The following FRRS1 variants were observed in gnomAD, a reference collection of about 807,000 sequenced individuals.
FRRS1 encodes the protein ferric reductase 1.
In FRRS1, 51 loss-of-function variants were observed where a neutral mutation model predicts 70.7. That is an observed-to-expected ratio of 0.72 (90% CI 0.58 to 0.91). The LOEUF (loss-of-function observed/expected upper bound fraction) is 0.91. FRRS1 is among the 40% of genes least tolerant of loss of function. FRRS1 has a pLI of 0.00. For missense variants in FRRS1, 672 were observed against 726.0 expected (o/e 0.93, Z 0.86); for synonymous variants, 225 against 238.7 (o/e 0.94, Z 0.53).
At chr1:99,754,142 T>G (rs1656710691) in intron 1 of FRRS1, among the ~76,000 whole-genome samples, 1 of 152,070 alleles carries the variant, frequency 6.6e-6, no homozygotes, top group African/African-American at 2.4e-5. Flanking sequence ...TAGAACTAAA[T>G]GGAGAAATAG....
chr1:99,731,969 A>AC (rs1404553388), intron 7 of FRRS1, among the ~76,000 whole-genome samples: 1 of 152,190 alleles, frequency 6.6e-6, no homozygotes, highest in Non-Finnish European at 1.5e-5. Context: ...CTGGGCCTGA[A>AC]CCCTGATTTA....
intron 1 of FRRS1, among the ~76,000 whole-genome samples, chr1:99,756,216 C>T (rs775516586): frequency 6.4e-4 from 98 of 152,200 alleles, no homozygotes; most frequent in Non-Finnish European, 1.1e-3. Context: ...GTTGTCTATA[C>T]AAAATAGACG....
chr1:99,718,722 G>A (rs1272936191), intron 10 of FRRS1, among the ~76,000 whole-genome samples: 1 of 152,082 alleles, frequency 6.6e-6, no homozygotes, highest in Admixed American at 6.5e-5. Flanking sequence ...TACATACTTT[G>A]TATGCTCTCA....
chr1:99,732,003 T>A (rs1451250748), intron 7 of FRRS1, among the ~76,000 whole-genome samples: 1 of 152,106 alleles, frequency 6.6e-6, no homozygotes, highest in Non-Finnish European at 1.5e-5. Context: ...TTCTATAATA[T>A]CCATCATGAA....
chr1:99,760,435 G>C (rs1657060644), intron 1 of FRRS1, among the ~76,000 whole-genome samples: 1 of 152,068 alleles, frequency 6.6e-6, no homozygotes, highest in African/African-American at 2.4e-5. Flanking sequence ...AAATTATAGG[G>C]AAATTGAAAA....
intron 4 of FRRS1, among the ~76,000 whole-genome samples, chr1:99,743,822 T>C (rs542541310): frequency 1.3e-5 from 2 of 152,150 alleles, no homozygotes; most frequent in East Asian, 3.9e-4. Context: ...AGTACTGGGA[T>C]TAGAGGGATG....
intron 10 of FRRS1, 26 bp downstream of exon 10, chr1:99,719,508 A>C: frequency 4.9e-6 from 6 of 1,224,692 alleles, no homozygotes; most frequent in Non-Finnish European, 7.3e-6. Flanking sequence ...AGTTGATTCC[A>C]CAAAGTAGTT....
At position 99,719,893 on chromosome 1, in the gene FRRS1, G is replaced by C. The variant is rs6681566; in HGVS notation, c.1007-246C>G. On this transcript the variant is annotated intron_variant, in intron 9 of 16. Coordinates refer to ENST00000646001, the MANE Select transcript of FRRS1 (RefSeq NM_001361041.2). ...TGAATTAAAATGACAACTAGGAATGGAGAATGTATAGTAAAAGAACTGGTG... is the reference window on the plus strand; with the variant it reads ...TGAATTAAAATGACAACTAGGAATGCAGAATGTATAGTAAAAGAACTGGTG... Among the ~76,000 whole-genome samples the C allele has an allele frequency of 7.6e-3, 1,157 of 152,242 alleles. 14 individuals are homozygous for C. Among genetic ancestry groups the C allele is most frequent in the African/African-American group, 0.026 (1,087 of 41,544 alleles).
intron 1 of FRRS1, among the ~76,000 whole-genome samples, chr1:99,760,838 C>T (rs546991804): frequency 3.6e-4 from 55 of 151,888 alleles, no homozygotes; most frequent in East Asian, 1.4e-3. Flanking sequence ...TTGGTATAGA[C>T]GGGGGTTTCA....
chr1:99,736,371 T>C (rs1172578347), intron 7 of FRRS1, among the ~76,000 whole-genome samples: 1 of 152,172 alleles, frequency 6.6e-6, no homozygotes, highest in African/African-American at 2.4e-5. Context: ...AAGTACATGG[T>C]ATCTTTTGTA....
Position 99,728,536 on chromosome 1 carries a change from G to A in FRRS1, c.963C>T (p.Asn321=). Residue 321 remains asparagine, a synonymous_variant, in exon 9 of 17, where the codon AAC becomes AAT. Transcript: ENST00000646001. ...LPGVKNRFDL[N]TSYYIFLADG... ...CTGCTAGAAATATGTAATAGCTTGT[G>A]TTTAGATCAAATCTATTCTTAACTC... 6.2e-7 allele frequency: 1 copy of A among 1,611,964 alleles called. No individual in the cohort carries two copies. Among genetic ancestry groups the A allele is most frequent in the South Asian group, 1.1e-5 (1 of 91,034 alleles).
Position 99,744,064 on chromosome 1 carries a change from T to TAAAAAAA in FRRS1, c.334-1798_334-1792dup, listed in dbSNP as rs112254806. ...AATGAATCCAGTATAAGAACGATTG[T>TAAAAAAA]AAAAAAAAAAAAAAGAAAGAAAAGA... On this transcript the variant is annotated intron_variant, in intron 4 of 16. Coordinates refer to ENST00000646001, the MANE Select transcript of FRRS1 (RefSeq NM_001361041.2). 4.3e-4 allele frequency among the ~76,000 whole-genome samples: 53 copies of TAAAAAAA among 124,362 alleles called. 1 individual carries two copies. Among genetic ancestry groups the TAAAAAAA allele is most frequent in the African/African-American group, 1.9e-3 (52 of 27,436 alleles). 81.6% of individuals were successfully genotyped at this position (124,362 alleles called of 152,430 possible).
At position 99,704,077 on chromosome 1, in the gene FRRS1, G is replaced by A. The variant is rs917982488; in HGVS notation, c.*4951C>T. Among the ~76,000 whole-genome samples the A allele has an allele frequency of 2.0e-5, 3 of 152,098 alleles. No individual in the cohort carries two copies. Among genetic ancestry groups the A allele is most frequent in the Admixed American group, 1.3e-4 (2 of 15,266 alleles). The stretch of plus-strand genomic sequence containing the variant: ...TGCAAAATTTATTAAGTTTAACACT[G>A]CAATCAAATGGCAAAGACATCATCA... On this transcript the variant is annotated 3_prime_UTR_variant, in exon 17 of 17. Coordinates refer to ENST00000646001, the MANE Select transcript of FRRS1 (RefSeq NM_001361041.2).
chr1:99,712,540 T>A, intron 12 of FRRS1, 25 bp from the exon 13 acceptor site: 1 of 1,332,748 alleles, frequency 7.5e-7, no homozygotes, highest in Non-Finnish European at 1.1e-6. Flanking sequence ...ATCATTTTAA[T>A]GGCCTCAATC....
chr1:99,755,186 A>G (rs560865520), intron 1 of FRRS1, among the ~76,000 whole-genome samples: 1 of 152,066 alleles, frequency 6.6e-6, no homozygotes, highest in Non-Finnish European at 1.5e-5. Context: ...TTGGGAGACT[A>G]AAGCCGGAGA....
chr1:99,710,830 G>T lies in FRRS1; in HGVS notation c.1600C>A (p.His534Asn). The change falls in exon 15 of 17, where the codon CAT becomes AAT. Residue 534 changes from histidine (H) to asparagine (N), a missense_variant. By Grantham distance (68) the His-to-Asn change is moderately conservative (BLOSUM62 1). Coordinates refer to ENST00000646001, the MANE Select transcript of FRRS1 (RefSeq NM_001361041.2). ...CCTTTGCGAGAGAGCCGATAAGCAT[G>T]TACCTCCAGAACAACCTCAGTCCCA... The part of the protein sequence containing the change: ...HVGTEVVLEV[H>N]AYRLSRKVEI... 6.2e-7 allele frequency: 1 copy of T among 1,613,918 alleles called. No homozygotes were observed. Among genetic ancestry groups the T allele is most frequent in the South Asian group, 1.1e-5 (1 of 91,030 alleles).
At chr1:99,713,178 T>C (rs1243470634) in intron 12 of FRRS1, among the ~76,000 whole-genome samples, 1 of 152,204 alleles carries the variant, frequency 6.6e-6, no homozygotes, top group Non-Finnish European at 1.5e-5. Context: ...GCCTATAAGA[T>C]AGATACTATA....
chr1:99,712,442 A>AAGACTGCCAGAAG lies in FRRS1; in HGVS notation c.1384_1396dup (p.Phe466SerfsTer11). The AAGACTGCCAGAAG allele has an allele frequency of 1.2e-6, 2 of 1,612,858 alleles. No homozygotes were observed. Among genetic ancestry groups the AAGACTGCCAGAAG allele is most frequent in the Non-Finnish European group, 1.7e-6 (2 of 1,179,162 alleles). On this transcript the variant is annotated frameshift_variant, in exon 13 of 17. Transcript: ENST00000646001. LOFTEE classifies it high-confidence loss of function. ...CCTTGGGTCATGTAAAGGTGGCCTG[A>AAGACTGCCAGAAG]AGACTGCCAGAAGAGGCTGAAGAAC...
chr1:99,745,733 C>T (rs1656224986), intron 4 of FRRS1, among the ~76,000 whole-genome samples: 1 of 151,928 alleles, frequency 6.6e-6, no homozygotes, highest in Non-Finnish European at 1.5e-5. Flanking sequence ...GATATTTGTC[C>T]CCACCCAACT....
Sources: gnomAD v4.1 joint callset for allele counts (sites outside exome capture counted in the v4.1 genomes callset) on GRCh38, gnomAD v4.1.1 for gene constraint, MANE v1.5 for transcripts, NCBI Gene and HGNC (gene_info 2026-07-23, HGNC 2026-07-21) for gene names.